Variants in PFKFB3 observed in about 807,000 individuals in gnomAD.
The protein encoded by PFKFB3 is 6-phosphofructo-2-kinase/fructose-2,6-biphosphatase 3.
Under a neutral mutation model 68.0 loss-of-function variants are expected in PFKFB3, and 33 were observed. The ratio of observed to expected loss-of-function variants is 0.49; its 90% CI spans 0.37 to 0.65. The LOEUF (loss-of-function observed/expected upper bound fraction) is 0.65, where lower values mean the gene tolerates loss of function less well. Ranked by LOEUF, PFKFB3 falls within the 30% of genes least tolerant of loss-of-function variation. The probability of loss-of-function intolerance (pLI) is 0.00; values close to 1 mark genes in which losing one functional copy is unlikely to be tolerated. For synonymous variants in PFKFB3, 315 were observed against 288.2 expected (o/e 1.09, Z -0.94); for missense variants, 586 against 712.2 (o/e 0.82, Z 2.02).
the PFKFB3 span, among the ~76,000 whole-genome samples, chr10:6,318,040 A>C: frequency 6.6e-6 from 1 of 152,150 alleles, no homozygotes; most frequent in Admixed American, 6.5e-5. Flanking sequence ...TACATACATA[A>C]CCTGAAAAGC....
At chr10:6,318,070 A>T in the PFKFB3 span, among the ~76,000 whole-genome samples, 1 of 152,154 alleles carries the variant, frequency 6.6e-6, no homozygotes, top group Admixed American at 6.5e-5. Context: ...TTTTCATGAC[A>T]CCATGCCCCC....
At chr10:6,185,799 C>T (rs186556756) in intron 1 of PFKFB3, among the ~76,000 whole-genome samples, 2,616 of 152,210 alleles carry the variant, frequency 0.017, 26 homozygotes, top group Middle Eastern at 0.037. Flanking sequence ...ACCACCACGC[C>T]CAGCTAATTT....
intron 1 of PFKFB3, among the ~76,000 whole-genome samples, chr10:6,183,002 C>A (rs983537507): frequency 6.6e-6 from 1 of 152,154 alleles, no homozygotes; most frequent in Non-Finnish European, 1.5e-5. Context: ...CGGTCCCTGG[C>A]TCCAGGACAC....
intron 1 of PFKFB3, among the ~76,000 whole-genome samples, chr10:6,153,565 G>A (rs1255853003): frequency 6.6e-6 from 1 of 151,994 alleles, no homozygotes; most frequent in East Asian, 1.9e-4. Context: ...GAAAGAGGAG[G>A]GGGAGGGGCT....
At chr10:6,168,247 C>T (rs1842199276) in intron 1 of PFKFB3, among the ~76,000 whole-genome samples, 1 of 152,216 alleles carries the variant, frequency 6.6e-6, no homozygotes, top group Non-Finnish European at 1.5e-5. Context: ...TTTGCTCCCA[C>T]TTGCTGAGCG....
Position 6,229,610 on chromosome 10 carries a change from C to T in PFKFB3, c.1515+3245C>T, listed in dbSNP as rs1564216899. On this transcript the variant is annotated intron_variant, in intron 14 of 14. Transcript: ENST00000379775. This position sits in a 1 kb window ranked among gnomAD's most constrained non-coding sequence, Gnocchi z 4.3. ...CAGCTTCTTGGGGCGCACCCTCCATCCTCAGGGCCAGTGTCTGTGATGCGC... is the reference window on the plus strand; with the variant it reads ...CAGCTTCTTGGGGCGCACCCTCCATTCTCAGGGCCAGTGTCTGTGATGCGC... Among the ~76,000 whole-genome samples, 1 of 152,208 alleles carries T rather than the reference C, an allele frequency of 6.6e-6. No individual in the cohort carries two copies. Among genetic ancestry groups the T allele is most frequent in the Non-Finnish European group, 1.5e-5 (1 of 68,030 alleles).
intron 1 of PFKFB3, among the ~76,000 whole-genome samples, chr10:6,204,197 C>T (rs1483105693): frequency 6.6e-6 from 1 of 152,282 alleles, no homozygotes; most frequent in Non-Finnish European, 1.5e-5. Flanking sequence ...AGCGCCGCCG[C>T]GGAAAAGGGC....
intron 1 of PFKFB3, among the ~76,000 whole-genome samples, chr10:6,188,838 T>G (rs1307233766): frequency 6.8e-6 from 1 of 147,784 alleles, no homozygotes; most frequent in Non-Finnish European, 1.5e-5. Context: ...ATTTTTTTTT[T>G]TTTTTTTTTT....
chr10:6,236,501 C>G (rs1433737999), downstream of PFKFB3, among the ~76,000 whole-genome samples: 3 of 152,210 alleles, frequency 2.0e-5, no homozygotes, highest in African/African-American at 7.2e-5. Flanking sequence ...ATCCCTTAGG[C>G]GCCTGCCGCC....
chr10:6,290,651 A>G, the PFKFB3 span, among the ~76,000 whole-genome samples: 10 of 151,644 alleles, frequency 6.6e-5, no homozygotes, highest in Non-Finnish European at 1.0e-4. Context: ...GGCACCCACC[A>G]CCATGCCCAG....
intron 1 of PFKFB3, chr10:6,146,453 G>GT: frequency 6.5e-7 from 1 of 1,535,656 alleles, no homozygotes; most frequent in Non-Finnish European, 8.7e-7. Context: ...AGCTGGACAC[G>GT]TTTAGTCCCA....
At chr10:6,225,412 G>A (rs1431942891) in intron 13 of PFKFB3, among the ~76,000 whole-genome samples, 2 of 152,190 alleles carry the variant, frequency 1.3e-5, no homozygotes, top group Non-Finnish European at 2.9e-5. Context: ...CGGAATGTGG[G>A]TCACCGGATG....
At chr10:6,289,127 G>A in the PFKFB3 span, among the ~76,000 whole-genome samples, 1 of 143,292 alleles carries the variant, frequency 7.0e-6, no homozygotes, top group Non-Finnish European at 1.5e-5. Flanking sequence ...TGAGTAGGTT[G>A]CGAAAATTTT....
intron 14 of PFKFB3, among the ~76,000 whole-genome samples, chr10:6,245,485 G>A (rs1029365745): frequency 6.6e-6 from 1 of 151,588 alleles, no homozygotes; most frequent in Non-Finnish European, 1.5e-5. Context: ...GGTGCGATCA[G>A]GGCTCACTGC....
intron 1 of PFKFB3, among the ~76,000 whole-genome samples, chr10:6,195,193 C>A (rs11257188): frequency 0.2 from 30,907 of 152,008 alleles, 5,305 homozygotes; most frequent in African/African-American, 0.47. Context: ...TTCATCCACG[C>A]TTTGGAAGAA....
At chr10:6,312,925 A>AAAGACT in the PFKFB3 span, among the ~76,000 whole-genome samples, 1 of 151,376 alleles carries the variant, frequency 6.6e-6, no homozygotes, top group Non-Finnish European at 1.5e-5. Context: ...AGTGACTGGA[A>AAAGACT]AAGAAACAGA....
At chr10:6,240,784 A>G (rs1475977121) in intron 14 of PFKFB3, among the ~76,000 whole-genome samples, 1 of 152,190 alleles carries the variant, frequency 6.6e-6, no homozygotes, top group Non-Finnish European at 1.5e-5. Flanking sequence ...TTCAGCATCC[A>G]GAGTCCAGGG....
At chr10:6,231,574 G>C in intron 14 of PFKFB3, 1 of 985,394 alleles carries the variant, frequency 1.0e-6, no homozygotes. Flanking sequence ...ATCACCTGTG[G>C]GTGCCGGAAG....
chr10:6,249,178 T>TAAAAA (rs71391803), intron 14 of PFKFB3, among the ~76,000 whole-genome samples: 1,936 of 73,556 alleles, frequency 0.026, no homozygotes, highest in Non-Finnish European at 0.039. Flanking sequence ...CCGTCTCAAT[T>TAAAAA]AAAAAAAAAA....
Sources: gnomAD v4.1 joint callset for allele counts (sites outside exome capture counted in the v4.1 genomes callset) on GRCh38, gnomAD v4.1.1 for gene constraint, Gnocchi (gnomAD v3.1) non-coding constraint, MANE v1.5 for transcripts, NCBI Gene and HGNC (gene_info 2026-07-23, HGNC 2026-07-21) for gene names.